NSMAF: variants seen among roughly 807,000 people sequenced by gnomAD.
NSMAF encodes protein FAN.
Under a neutral mutation model 134.9 loss-of-function variants are expected in NSMAF, and 90 were observed. That is an observed-to-expected ratio of 0.67 (90% CI 0.56 to 0.79). The LOEUF (loss-of-function observed/expected upper bound fraction) is 0.79, where lower values mean the gene tolerates loss of function less well. NSMAF is among the 30% of genes least tolerant of loss of function. NSMAF has a pLI of 0.00. For missense variants in NSMAF, 1,010 were observed against 1,119.0 expected, an observed-to-expected ratio of 0.90 and a Z score of 1.39; for synonymous variants, 358 against 389.6, an observed-to-expected ratio of 0.92 and a Z score of 0.96.
Position 58,659,716 on chromosome 8 carries a change from G to T in NSMAF, c.-85C>A. On this transcript the variant is annotated 5_prime_UTR_variant, in exon 1 of 31. Coordinates refer to ENST00000038176, the MANE Select transcript of NSMAF (RefSeq NM_003580.4). ...GAGGTCCGGAGGAGCCGGGGAGGGC[G>T]GGATTGGTGGCCGGCTGGGGAGCGC... 2 of 1,126,450 alleles carry T rather than the reference G, an allele frequency of 1.8e-6. No homozygotes were observed. The highest frequency in any genetic ancestry group is 2.3e-6 in the Non-Finnish European group (2 of 874,528). 69.8% of individuals were successfully genotyped at this position (1,126,450 alleles called of 1,614,324 possible). A position where few individuals can be genotyped will look rare whatever the true frequency, so the allele number is the denominator to read the frequency against.
chr8:58,617,050 A>G (rs1160662762), intron 9 of NSMAF, among the ~76,000 whole-genome samples: 1 of 152,196 alleles, frequency 6.6e-6, no homozygotes, highest in Non-Finnish European at 1.5e-5. Flanking sequence ...GTGGGGCATG[A>G]AAGAGAAATC....
intron 1 of NSMAF, among the ~76,000 whole-genome samples, chr8:58,651,421 A>G (rs559252199): frequency 6.6e-6 from 1 of 152,152 alleles, no homozygotes; most frequent in East Asian, 1.9e-4. Context: ...GCTTTCTATC[A>G]CTCAGCTGGA....
intron 23 of NSMAF, among the ~76,000 whole-genome samples, chr8:58,591,720 C>T (rs1806027313): frequency 6.6e-6 from 1 of 152,018 alleles, no homozygotes; most frequent in Non-Finnish European, 1.5e-5. Flanking sequence ...CTCCTGGCTT[C>T]AAGTGATCCG....
At chr8:58,622,268 G>A (rs1226209361) in intron 9 of NSMAF, among the ~76,000 whole-genome samples, 1 of 151,952 alleles carries the variant, frequency 6.6e-6, no homozygotes, top group East Asian at 1.9e-4. Flanking sequence ...TTGAGATGGG[G>A]TCTCACTCTG....
At chr8:58,615,582 T>C (rs969267235) in intron 9 of NSMAF, among the ~76,000 whole-genome samples, 1 of 152,214 alleles carries the variant, frequency 6.6e-6, no homozygotes, top group Non-Finnish European at 1.5e-5. Flanking sequence ...CTAAATTACC[T>C]ATGGGCCAAA....
At chr8:58,604,404 T>C (rs1353065181) in intron 12 of NSMAF, among the ~76,000 whole-genome samples, 2 of 151,748 alleles carry the variant, frequency 1.3e-5, no homozygotes, top group African/African-American at 4.8e-5. Flanking sequence ...AAAAATAAAA[T>C]TTAAAAACCT....
chr8:58,587,465 G>A (rs1805911974), intron 27 of NSMAF, among the ~76,000 whole-genome samples, 153 bp downstream of exon 27: 1 of 152,238 alleles, frequency 6.6e-6, no homozygotes, highest in Non-Finnish European at 1.5e-5. Flanking sequence ...GAAACCTAAA[G>A]AGTCAACACA....
chr8:58,609,000 A>C (rs947451916), intron 10 of NSMAF, among the ~76,000 whole-genome samples: 1 of 152,198 alleles, frequency 6.6e-6, no homozygotes, highest in Non-Finnish European at 1.5e-5. Context: ...TGGATATCTA[A>C]GTTTATATTT....
chr8:58,599,135 T>A, intron 19 of NSMAF, 97 bp downstream of exon 19: 1 of 1,274,176 alleles, frequency 7.8e-7, no homozygotes, highest in Non-Finnish European at 1.1e-6. Flanking sequence ...TTGGCCTCAT[T>A]TTTTTGTTGG....
chr8:58,586,065 A>T, intron 28 of NSMAF, 65 bp from the exon 29 acceptor site: 1 of 1,288,250 alleles, frequency 7.8e-7, no homozygotes, highest in Non-Finnish European at 1.1e-6. Context: ...ATTATTCTGG[A>T]TTTTATTTCT....
chr8:58,585,738 G>T lies in NSMAF; in HGVS notation c.2573C>A (p.Ser858Tyr). ...ACCAGACTGACTGCCAGATAAAACG[G>T]AATTTCCATCCCAGACAAAGCACCT... Reference protein sequence around the residue: ...PQRCFVWDGNSVLSGSQSGEL... With the variant: ...PQRCFVWDGNYVLSGSQSGEL... Residue 858 changes from serine (S) to tyrosine (Y), a missense_variant, in exon 30 of 31, where the codon TCC (serine) becomes TAC (tyrosine). Coordinates refer to ENST00000038176, the MANE Select transcript of NSMAF (RefSeq NM_003580.4). 6.2e-7 allele frequency: 1 copy of T among 1,614,122 alleles called. No individual in the cohort carries two copies. Among genetic ancestry groups the T allele is most frequent in the South Asian group, 1.1e-5 (1 of 91,088 alleles).
chr8:58,647,525 G>A (rs908867604), intron 1 of NSMAF, among the ~76,000 whole-genome samples: 1 of 152,148 alleles, frequency 6.6e-6, no homozygotes, highest in African/African-American at 2.4e-5. Context: ...GGCCCGGTAG[G>A]AGGTGATTGG....
chr8:58,589,214 T>A (rs1490593184), intron 26 of NSMAF, among the ~76,000 whole-genome samples: 2 of 147,742 alleles, frequency 1.4e-5, no homozygotes, highest in Non-Finnish European at 3.0e-5. Flanking sequence ...ATATTTTAAA[T>A]ATAAATAATA....
rs550280056 is a variant in NSMAF at position 58,583,882 on chromosome 8, G to A, written c.*224C>T. On this transcript the variant is annotated 3_prime_UTR_variant, in exon 31 of 31. Coordinates refer to ENST00000038176, the MANE Select transcript of NSMAF (RefSeq NM_003580.4). ...CGGGGACGATCATCTGCCTTACAGT[G>A]TAACATGTTTTTCCTAACACAGCCG... 7.8e-5 allele frequency: 42 copies of A among 540,654 alleles called. No individual in the cohort carries two copies. The highest frequency in any genetic ancestry group is 6.9e-4 in the African/African-American group (36 of 52,434). 33.5% of individuals were successfully genotyped at this position (540,654 alleles called of 1,614,324 possible).
At chr8:58,638,635 A>C (rs559151926) in intron 2 of NSMAF, among the ~76,000 whole-genome samples, 1 of 152,354 alleles carries the variant, frequency 6.6e-6, no homozygotes, top group South Asian at 2.1e-4. Flanking sequence ...CTTGAAATGA[A>C]CTGAAGACTT....
intron 6 of NSMAF, among the ~76,000 whole-genome samples, chr8:58,625,786 T>C (rs1216829594): frequency 1.3e-5 from 2 of 152,226 alleles, no homozygotes; most frequent in Non-Finnish European, 2.9e-5. Context: ...TAATTATTGA[T>C]AGGGAAGGAC....
At chr8:58,609,759 T>C (rs1255443259) in intron 9 of NSMAF, 26 bp from the exon 10 acceptor site, 1 of 1,611,452 alleles carries the variant, frequency 6.2e-7, no homozygotes, top group East Asian at 2.2e-5. Flanking sequence ...TCAGCAAAAG[T>C]AAGAAAAATC....
chr8:58,619,471 T>C (rs1280102349), intron 9 of NSMAF, among the ~76,000 whole-genome samples: 2 of 152,030 alleles, frequency 1.3e-5, no homozygotes, highest in East Asian at 1.9e-4. Context: ...TGATTACAGA[T>C]GCAAAAATCA....
chr8:58,604,751 T>C (rs1462784851), intron 12 of NSMAF, among the ~76,000 whole-genome samples: 1 of 152,082 alleles, frequency 6.6e-6, no homozygotes, highest in African/African-American at 2.4e-5. Context: ...TTTTTGTTTG[T>C]TTGTTTTTTT....
Sources: allele counts gnomAD v4.1 joint callset (sites outside exome capture counted in the v4.1 genomes callset), GRCh38; gene constraint gnomAD v4.1.1; transcripts MANE v1.5; gene names NCBI Gene and HGNC (gene_info 2026-07-23, HGNC 2026-07-21).